The following ESPN variants were observed in gnomAD, a reference collection of about 807,000 sequenced individuals.
The protein encoded by ESPN is espin.
In ESPN, 68 loss-of-function variants were observed where a neutral mutation model predicts 77.7. The ratio of observed to expected loss-of-function variants is 0.87; its 90% CI spans 0.72 to 1.07. The LOEUF is 1.07. ESPN is among the 50% of genes least tolerant of loss of function. The pLI is 0.00. For missense variants in ESPN, 1,060 were observed against 1,239.0 expected (o/e 0.86, Z 2.17); for synonymous variants, 449 against 567.1 (o/e 0.79, Z 2.96).
At chr1:6,454,652 G>C (rs1321925221) in intron 10 of ESPN, 1 of 398,750 alleles carries the variant, frequency 2.5e-6, no homozygotes, top group East Asian at 3.6e-5. Context: ...TGCCCATCTC[G>C]GCCGCCCTGT....
intron 7 of ESPN, 54 bp downstream of exon 7, chr1:6,445,989 G>A (rs1643823414): frequency 2.5e-6 from 4 of 1,579,092 alleles, no homozygotes; most frequent in Non-Finnish European, 2.6e-6. Flanking sequence ...GGGCTGATGG[G>A]GGCCAGTGAG....
intron 2 of ESPN, among the ~76,000 whole-genome samples, chr1:6,433,606 CA>C (rs569450960): frequency 2.3e-3 from 301 of 132,306 alleles, no homozygotes; most frequent in Non-Finnish European, 2.3e-3. Context: ...GAATCCATTT[CA>C]AAAAAAAAAA....
intron 2 of ESPN, among the ~76,000 whole-genome samples, chr1:6,429,539 C>T (rs941429069): frequency 6.6e-6 from 1 of 152,120 alleles, no homozygotes; most frequent in Non-Finnish European, 1.5e-5. Flanking sequence ...GATTCTGATG[C>T]ACCTGTCCCA....
intron 10 of ESPN, chr1:6,456,012 C>A: frequency 5.0e-6 from 2 of 397,754 alleles, no homozygotes; most frequent in Non-Finnish European, 8.9e-6. Flanking sequence ...GCCGCAGCCG[C>A]CGCCGCCGCC....
At chr1:6,453,927 C>A (rs1207351467) in intron 10 of ESPN, among the ~76,000 whole-genome samples, 4 of 152,172 alleles carry the variant, frequency 2.6e-5, no homozygotes, top group Non-Finnish European at 5.9e-5. Context: ...GCTGCAGCCT[C>A]TTTAAGAGCG....
In ESPN at chr1:6,440,312, G is replaced by A; in HGVS notation, c.547G>A (p.Gly183Ser). The A allele has an allele frequency of 1.9e-6, 3 of 1,561,674 alleles. No homozygotes were observed. The highest frequency in any genetic ancestry group is 2.6e-6 in the Non-Finnish European group (3 of 1,153,122). Residue 183 changes from glycine to serine, a missense_variant, in exon 3 of 13, where the codon GGC becomes AGC. This residue lies in a region of ESPN where 556 missense variants were observed against 633.6 expected (regional missense o/e 0.88). Transcript: ENST00000645284. The stretch of plus-strand genomic sequence containing the variant: ...GCCCCTGTACCTGGCGTGCCAGGAG[G>A]GCCACCTGGAGGTGACCCAGTACCT... Reference protein sequence around the residue: ...ATPLYLACQEGHLEVTQYLVQ... With the variant: ...ATPLYLACQESHLEVTQYLVQ...
chr1:6,449,042 G>A lies in ESPN; in HGVS notation c.1866G>A (p.Glu622=). Residue 622 remains glutamate, a synonymous_variant, in exon 8 of 13, where the codon GAG becomes GAA. Transcript: ENST00000645284. ...SPPPAPPLPL[E]SAGPGCGQRR... is the part of the protein sequence containing the mutation. Reference sequence around the variant, plus strand: ...CGCCGGCCCCGCCTCTGCCCCTCGAGAGCGCTGGCCCTGGCTGCGGGCAGC... The same window carrying A: ...CGCCGGCCCCGCCTCTGCCCCTCGAAAGCGCTGGCCCTGGCTGCGGGCAGC... 1.3e-6 allele frequency: 2 copies of A among 1,482,740 alleles called. No individual in the cohort carries two copies. The highest frequency in any genetic ancestry group is 1.8e-6 in the Non-Finnish European group (2 of 1,124,096). The allele number at this position is 1,482,740 out of a possible 1,614,324, so 91.8% of individuals were successfully genotyped here. A position where few individuals can be genotyped will look rare whatever the true frequency, so the allele number is the denominator to read the frequency against.
At chr1:6,434,054 C>T (rs1205701586) in intron 2 of ESPN, among the ~76,000 whole-genome samples, 2 of 152,184 alleles carry the variant, frequency 1.3e-5, no homozygotes, top group Non-Finnish European at 2.9e-5. Context: ...GTGCATATGG[C>T]ACCACACCCG....
chr1:6,437,009 C>T lies in ESPN; in HGVS notation c.489-3245C>T, dbSNP rs1190235916. Among the ~76,000 whole-genome samples, 1 of 152,164 alleles carries T rather than the reference C, an allele frequency of 6.6e-6. No homozygotes were observed. The highest frequency in any genetic ancestry group is 6.5e-5 in the Admixed American group (1 of 15,286). Reference sequence around the variant, plus strand: ...GATCCCCTCCCCCTCAGCCCATCAGCATATCTGTCCCATGTTCTGGGGTAT... The same window carrying T: ...GATCCCCTCCCCCTCAGCCCATCAGTATATCTGTCCCATGTTCTGGGGTAT... On this transcript the variant is annotated intron_variant, in intron 2 of 12. Coordinates refer to ENST00000645284, the MANE Select transcript of ESPN (RefSeq NM_031475.3). This position sits in a 1 kb window ranked among gnomAD's most constrained non-coding sequence, Gnocchi z 4.5.
chr1:6,426,190 A>G (rs913235769), intron 1 of ESPN, among the ~76,000 whole-genome samples: 4 of 152,126 alleles, frequency 2.6e-5, no homozygotes, highest in African/African-American at 7.2e-5. Flanking sequence ...CTATGCCCCA[A>G]AGATGGCCAG....
chr1:6,446,857 G>A (rs950918298), intron 7 of ESPN: 5 of 152,218 alleles, frequency 3.3e-5, no homozygotes, highest in Non-Finnish European at 7.3e-5. Context: ...ATTCATAAAA[G>A]GTGACTCGGG....
Position 6,440,693 on chromosome 1 carries a change from C to T in ESPN, c.743C>T (p.Ala248Val), listed in dbSNP as rs769311195. The T allele has an allele frequency of 1.1e-5, 17 of 1,539,106 alleles. 1 individual carries two copies. In the Middle Eastern group the frequency reaches 6.9e-4, roughly 63 times the overall value. The change falls in exon 4 of 13, where the codon GCG (alanine) becomes GTG (valine). Residue 248 changes from alanine (A) to valine (V), a missense_variant. By Grantham distance (64) the Ala-to-Val change is moderately conservative. This residue lies in a region of ESPN where 556 missense variants were observed against 633.6 expected (regional missense o/e 0.88). Coordinates refer to ENST00000645284, the MANE Select transcript of ESPN (RefSeq NM_031475.3). ...KDGATAMHFA[A>V]SRGHTKVLSW... ...GGCGCCACCGCCATGCACTTCGCGG[C>T]GAGCCGCGGCCACACCAAGGTGCTC...
rs1258795134 is a variant in ESPN, at chr1:6,445,815, G to T, written c.1344G>T (p.Leu448=). 1 of 1,139,840 alleles carries T rather than the reference G, an allele frequency of 8.8e-7. No homozygotes were observed. Among genetic ancestry groups the T allele is most frequent in the Non-Finnish European group, 1.1e-6 (1 of 879,160 alleles). 70.6% of individuals were successfully genotyped at this position (1,139,840 alleles called of 1,614,324 possible). Residue 448 remains leucine (L), a synonymous_variant, in exon 7 of 13, where the codon CTG becomes CTT. Transcript: ENST00000645284. ...CACCCCCGCCCCCAGGCACCCAACT[G>T]CCCCCACCCCCACCTGGCTACCCAG... is the stretch of plus-strand genomic sequence containing the variant. ...PPPPPPPGTQ[L]PPPPPGYPAP...
intron 2 of ESPN, among the ~76,000 whole-genome samples, chr1:6,433,894 T>C (rs967980446): frequency 6.6e-6 from 1 of 152,038 alleles, no homozygotes; most frequent in African/African-American, 2.4e-5. Flanking sequence ...ACTCTCCCAC[T>C]GGCCTTGTTC....
intron 2 of ESPN, among the ~76,000 whole-genome samples, chr1:6,434,967 A>G (rs1259314192): frequency 2.6e-5 from 4 of 151,972 alleles, no homozygotes; most frequent in Admixed American, 6.6e-5. Flanking sequence ...GGTGGGGTCA[A>G]ATGTGGCCTA....
At chr1:6,433,036 T>G (rs1643307131) in intron 2 of ESPN, among the ~76,000 whole-genome samples, 1 of 150,912 alleles carries the variant, frequency 6.6e-6, no homozygotes, top group Non-Finnish European at 1.5e-5. Context: ...GCAGGAGAAT[T>G]GCTGGAACCA....
chr1:6,441,667 A>G (rs1344134295), intron 5 of ESPN, among the ~76,000 whole-genome samples: 1 of 152,282 alleles, frequency 6.6e-6, no homozygotes, highest in Non-Finnish European at 1.5e-5. Context: ...CTCCAAGTGC[A>G]GGGCTCTGCA....
At chr1:6,444,068 T>C (rs183374352) in intron 5 of ESPN, among the ~76,000 whole-genome samples, 19 of 152,222 alleles carry the variant, frequency 1.2e-4, no homozygotes, top group African/African-American at 3.6e-4. Context: ...AGGCCCCAGG[T>C]CCAGCAAGGA....
Position 6,425,050 on chromosome 1 carries a change from G to A in ESPN, c.95G>A (p.Arg32His), listed in dbSNP as rs1006453315. The A allele has an allele frequency of 5.6e-5, 83 of 1,469,266 alleles. No individual in the cohort carries two copies. The African/African-American group carries it at 7.5e-4, about 13-fold the overall frequency. The allele number at this position is 1,469,266 out of a possible 1,614,324, so 91.0% of individuals were successfully genotyped here. A position where few individuals can be genotyped will look rare whatever the true frequency, so the allele number is the denominator to read the frequency against. Residue 32 changes from arginine to histidine, a missense_variant, in exon 1 of 13, where the codon CGC (arginine) becomes CAC (histidine). By Grantham distance (29) the Arg-to-His change is conservative (BLOSUM62 0). Transcript: ENST00000645284. ...HAAGLLGPSL[R>H]DPLDALPVHH... ...GCAGGCCTCCTGGGGCCCTCGCTGC[G>A]CGACCCGCTGGACGCGCTGCCCGTG...
Sources: gnomAD v4.1 joint callset for allele counts (sites outside exome capture counted in the v4.1 genomes callset) on GRCh38, gnomAD v4.1.1 for gene constraint, gnomAD v4.1.1 regional missense constraint, Gnocchi (gnomAD v3.1) non-coding constraint, MANE v1.5 for transcripts, NCBI Gene and HGNC (gene_info 2026-07-23, HGNC 2026-07-21) for gene names.